THOC1: variants seen among roughly 807,000 people sequenced by gnomAD.
THOC1 encodes THO complex 1.
Under a neutral mutation model 97.3 loss-of-function variants are expected in THOC1, and 29 were observed. The ratio of observed to expected loss-of-function variants is 0.30; its 90% CI spans 0.22 to 0.41. The LOEUF (loss-of-function observed/expected upper bound fraction) is 0.41. THOC1 is among the 10% of genes least tolerant of loss of function. The pLI, the probability that THOC1 is intolerant of heterozygous loss-of-function variation, is 1.00. For missense variants in THOC1, 529 were observed against 761.9 expected, an observed-to-expected ratio of 0.69 and a Z score of 3.60; for synonymous variants, 255 against 257.0, an observed-to-expected ratio of 0.99 and a Z score of 0.07.
In THOC1 at chr18:216,473, C is replaced by G; in HGVS notation, c.1602+13G>C. 1 of 1,612,452 alleles carries G rather than the reference C, an allele frequency of 6.2e-7. No homozygotes were observed. The highest frequency in any genetic ancestry group is 8.5e-7 in the Non-Finnish European group (1 of 1,179,110). ...CAACTAAAGGGTATGAAAAGTTGATCTATGGTACTTACCGGTAATTCCTTG... is the reference window on the plus strand; with the variant it reads ...CAACTAAAGGGTATGAAAAGTTGATGTATGGTACTTACCGGTAATTCCTTG... On this transcript the variant is annotated intron_variant, in intron 19 of 20. Coordinates refer to ENST00000261600, the MANE Select transcript of THOC1 (RefSeq NM_005131.3).
At chr18:223,380 G>T in intron 17 of THOC1, 60 bp downstream of exon 17, 1 of 1,335,616 alleles carries the variant, frequency 7.5e-7, no homozygotes, top group Non-Finnish European at 1.0e-6. Context: ...CTGAGAAAAG[G>T]CTCCATTCTA....
intron 9 of THOC1, among the ~76,000 whole-genome samples, chr18:249,445 T>C (rs943097262): frequency 3.9e-5 from 6 of 151,980 alleles, no homozygotes; most frequent in Non-Finnish European, 5.9e-5. Flanking sequence ...GGCGGGCGGA[T>C]CACGAGGTCA....
intron 17 of THOC1, among the ~76,000 whole-genome samples, chr18:221,157 C>T (rs903665664): frequency 3.3e-5 from 5 of 152,270 alleles, no homozygotes; most frequent in Non-Finnish European, 5.9e-5. Flanking sequence ...TTGCTATTCA[C>T]ACATAATTTA....
Position 268,009 on chromosome 18 carries a change from G to A in THOC1, c.11C>T (p.Thr4Met), listed in dbSNP as rs1228949025. 1.9e-6 allele frequency: 3 copies of A among 1,607,012 alleles called. No individual in the cohort carries two copies. Among genetic ancestry groups the A allele is most frequent in the Non-Finnish European group, 2.5e-6 (3 of 1,177,076 alleles). Residue 4 changes from threonine (T) to methionine (M), a missense_variant, in exon 1 of 21, where the codon ACG becomes ATG. Thr to Met is a moderately conservative substitution (Grantham distance 81). This residue lies in a region of THOC1 where 114 missense variants were observed against 97.4 expected (regional missense o/e 1.17). Coordinates refer to ENST00000261600, the MANE Select transcript of THOC1 (RefSeq NM_005131.3). MSP[T>M]PPLFSLPEAR... ...TTCGGGCAAACTGAAGAGCGGCGGCGTCGGAGACATCTTCTCGGCTGCGCG... is the reference window on the plus strand; with the variant it reads ...TTCGGGCAAACTGAAGAGCGGCGGCATCGGAGACATCTTCTCGGCTGCGCG...
chr18:216,673 T>TA (rs1245285702), intron 18 of THOC1, 40 bp from the exon 19 acceptor site: 1 of 1,593,536 alleles, frequency 6.3e-7, no homozygotes, highest in East Asian at 2.2e-5. Context: ...TATAGCTTTG[T>TA]ATTTCTGTAT....
At position 264,062 on chromosome 18, in the gene THOC1, C is replaced by A. The variant is rs772965492; in HGVS notation, c.220G>T (p.Ala74Ser). Reference sequence around the variant, plus strand: ...CCCCCAATAGCAAGAGAAATAATAGCTAAAACGTTTTCACATGATGAATGA... The same window carrying A: ...CCCCCAATAGCAAGAGAAATAATAGATAAAACGTTTTCACATGATGAATGA... ...INHSSCENVLAIISLAIGGVT... is the reference protein window; with the variant it reads ...INHSSCENVLSIISLAIGGVT... Residue 74 changes from alanine to serine, a missense_variant, in exon 4 of 21, where the codon GCT (alanine) becomes TCT (serine). Coordinates refer to ENST00000261600, the MANE Select transcript of THOC1 (RefSeq NM_005131.3). The A allele has an allele frequency of 1.9e-6, 3 of 1,612,412 alleles. No individual in the cohort carries two copies. The South Asian group carries it at 3.3e-5, about 18-fold the overall frequency.
Position 214,930 on chromosome 18 carries a change from TGAA to T in THOC1, c.1679-12_1679-10del. 6.2e-7 allele frequency: 1 copy of T among 1,612,638 alleles called. No individual in the cohort carries two copies. Among genetic ancestry groups the T allele is most frequent in the Non-Finnish European group, 8.5e-7 (1 of 1,179,260 alleles). Reference sequence around the variant, plus strand: ...TCGCCGAACATCAGGACCTAGAAAATGAAGAGAATATAAATTATGCGCAATTCT... The same window carrying T: ...TCGCCGAACATCAGGACCTAGAAAATGAGAATATAAATTATGCGCAATTCT... On this transcript the variant is annotated splice_polypyrimidine_tract_variant and intron_variant, in intron 20 of 20. Coordinates refer to ENST00000261600, the MANE Select transcript of THOC1 (RefSeq NM_005131.3).
At chr18:216,734 C>A in intron 18 of THOC1, 101 bp from the exon 19 acceptor site, 2 of 1,375,770 alleles carry the variant, frequency 1.5e-6, no homozygotes, top group Non-Finnish European at 1.9e-6. Context: ...AGGTAAATAG[C>A]TCAAAGTGCC....
Position 234,179 on chromosome 18 carries a change from T to C in THOC1, c.919-7278A>G, listed in dbSNP as rs375159853. 2.0e-5 allele frequency among the ~76,000 whole-genome samples: 3 copies of C among 152,356 alleles called. No homozygotes were observed. In the East Asian group the frequency reaches 5.8e-4, roughly 29 times the overall value. ...TTCATTAGTTCTAACAGTTTCTTGG[T>C]TCTCTTGGACTTTTCTCTGTAGACA... On this transcript the variant is annotated intron_variant, in intron 11 of 20. Transcript: ENST00000261600.
intron 5 of THOC1, 188 bp from the exon 6 acceptor site, chr18:259,918 T>C (rs1207373304): frequency 3.6e-6 from 2 of 549,716 alleles, no homozygotes; most frequent in East Asian, 6.4e-5. Context: ...GAAAACATGA[T>C]ACTAAGTAAC....
rs142256510 is a variant in THOC1, at chr18:224,854, C to T, written c.1208+70G>A. ...TACATGCTATAATCATATCGGAGCA[C>T]ATTTTCAAAAGCCTTTCTCGTCGTT... On this transcript the variant is annotated intron_variant, in intron 15 of 20. Transcript: ENST00000261600. The T allele has an allele frequency of 7.4e-4, 921 of 1,236,426 alleles. 3 individuals are homozygous for T. The African/African-American group carries it at 0.012, about 16-fold the overall frequency. The allele number at this position is 1,236,426 out of a possible 1,614,324, so 76.6% of individuals were successfully genotyped here.
At position 258,704 on chromosome 18, in the gene THOC1, G is replaced by C. The variant is rs529133142; in HGVS notation, c.520+476C>G. ...GGAGGCGGAAGGCTCTGGAGGACAA[G>C]CAATGTCCCATTTCAGGAGCTAGAT... On this transcript the variant is annotated intron_variant, in intron 7 of 20. Transcript: ENST00000261600. Among the ~76,000 whole-genome samples the C allele has an allele frequency of 5.5e-4, 84 of 152,076 alleles. 2 individuals carry two copies. Among genetic ancestry groups the C allele is most frequent in the East Asian group, 3.8e-4 (2 of 5,196 alleles).
At chr18:217,015 G>A (rs903089277) in intron 18 of THOC1, among the ~76,000 whole-genome samples, 2 of 152,312 alleles carry the variant, frequency 1.3e-5, no homozygotes, top group East Asian at 1.9e-4. Context: ...GTTCCCTAAT[G>A]AAGTATAACA....
intron 10 of THOC1, 34 bp downstream of exon 10, chr18:247,815 C>G: frequency 7.7e-7 from 1 of 1,291,522 alleles, no homozygotes; most frequent in Non-Finnish European, 1.1e-6. Flanking sequence ...CTATAAAATA[C>G]TGGGCTTCTG....
chr18:220,988 A>G (rs1034507434), intron 17 of THOC1, among the ~76,000 whole-genome samples: 1 of 152,170 alleles, frequency 6.6e-6, no homozygotes, highest in South Asian at 2.1e-4. Flanking sequence ...TTAAGGCTAT[A>G]CATTTCTCTT....
At position 215,448 on chromosome 18, in the gene THOC1, A is replaced by G; in HGVS notation, c.1659T>C (p.Ala553=). 2 of 1,613,568 alleles carry G rather than the reference A, an allele frequency of 1.2e-6. No individual in the cohort carries two copies. The highest frequency in any genetic ancestry group is 1.1e-5 in the South Asian group (1 of 91,076). Residue 553 remains alanine, a synonymous_variant, in exon 20 of 21, where the codon GCT becomes GCC. Transcript: ENST00000261600. The stretch of plus-strand genomic sequence containing the variant: ...TCTTACTTTCATTTTCCTTCAGTAG[A>G]GCATCATTATCTTCCTCATCTTCAT... ...GEDEDEEDND[A]LLKENESPDV... is the part of the protein sequence containing the mutation.
chr18:246,194 A>G (rs943965471), intron 11 of THOC1, 130 bp downstream of exon 11: 6 of 749,168 alleles, frequency 8.0e-6, no homozygotes, highest in East Asian at 3.0e-5. Flanking sequence ...ACTAACATTA[A>G]TCAATCAGCT....
At position 216,637 on chromosome 18, in the gene THOC1, T is replaced by C. The variant is rs1380349359; in HGVS notation, c.1455-4A>G. 4 of 1,609,400 alleles carry C rather than the reference T, an allele frequency of 2.5e-6. No homozygotes were observed. The highest frequency in any genetic ancestry group is 3.4e-6 in the Non-Finnish European group (4 of 1,178,000). ...ATAATTTGAATTGTTCACAGCCCTA[T>C]AAAAAGAGGTGTCAGGCTTGTAATT... is the stretch of plus-strand genomic sequence containing the variant. On this transcript the variant is annotated splice_polypyrimidine_tract_variant and splice_region_variant and intron_variant, in intron 18 of 20. Coordinates refer to ENST00000261600, the MANE Select transcript of THOC1 (RefSeq NM_005131.3).
At chr18:263,962 G>A (rs1017311674) in intron 4 of THOC1, 64 bp downstream of exon 4, 26 of 1,277,814 alleles carry the variant, frequency 2.0e-5, no homozygotes, top group Non-Finnish European at 1.9e-5. Context: ...GGGAGAAGAC[G>A]TTTTAAATAA....
Sources: gnomAD v4.1 joint callset for allele counts (sites outside exome capture counted in the v4.1 genomes callset) on GRCh38, gnomAD v4.1.1 for gene constraint, gnomAD v4.1.1 regional missense constraint, MANE v1.5 for transcripts, NCBI Gene and HGNC (gene_info 2026-07-23, HGNC 2026-07-21) for gene names.